Variants in ZNF765 observed in about 807,000 individuals in gnomAD.
ZNF765 encodes zinc finger protein 765.
Under a neutral mutation model 44.7 loss-of-function variants are expected in ZNF765, and 37 were observed. That is an observed-to-expected ratio of 0.83 (90% CI 0.64 to 1.09). The LOEUF is 1.09. Among genes scored for constraint, ZNF765 ranks in the 50% least tolerant of loss-of-function variants. ZNF765 has a pLI of 0.00. For synonymous variants in ZNF765, 201 were observed against 213.7 expected, an observed-to-expected ratio of 0.94 and a Z score of 0.52; for missense variants, 594 against 626.1, an observed-to-expected ratio of 0.95 and a Z score of 0.55.
Position 53,408,469 on chromosome 19 carries a change from A to G in ZNF765, c.914A>G (p.Asp305Gly). The change falls in exon 4 of 4, where the codon GAC (aspartate) becomes GGC (glycine). Residue 305 changes from aspartate (D) to glycine (G), a missense_variant. Coordinates refer to ENST00000396408, the MANE Select transcript of ZNF765 (RefSeq NM_001040185.3). ...GEKPYKCEECDKAFHFKSKLQ... is the reference protein window; with the variant it reads ...GEKPYKCEECGKAFHFKSKLQ... ...AAACCTTACAAATGTGAAGAATGTG[A>G]CAAAGCTTTCCATTTCAAATCAAAG... The G allele has an allele frequency of 6.2e-7, 1 of 1,613,180 alleles. No homozygotes were observed. The highest frequency in any genetic ancestry group is 1.1e-5 in the South Asian group (1 of 91,046).
chr19:53,415,552 C>G (rs564398158), downstream of ZNF765, among the ~76,000 whole-genome samples: 1 of 132,084 alleles, frequency 7.6e-6, no homozygotes, highest in East Asian at 2.1e-4. Flanking sequence ...TATTTTATTA[C>G]GTTTGTTGAG....
At chr19:53,397,588 G>T (rs963807910) in intron 1 of ZNF765, among the ~76,000 whole-genome samples, 1 of 152,152 alleles carries the variant, frequency 6.6e-6, no homozygotes, top group African/African-American at 2.4e-5. Flanking sequence ...TCACCACGTT[G>T]CCCAGGCTGG....
chr19:53,400,763 C>CATATATATATATATATATATATATATAT (rs35520888), intron 2 of ZNF765, among the ~76,000 whole-genome samples: 41 of 116,678 alleles, frequency 3.5e-4, no homozygotes, highest in African/African-American at 5.6e-4. Flanking sequence ...TATTTGTTGA[C>CATATATATATATATATATATATATATAT]ATATATATAT....
chr19:53,410,861 A>G lies in ZNF765; in HGVS notation c.*1734A>G, dbSNP rs1016007731. 4.2e-6 allele frequency: 2 copies of G among 473,798 alleles called. No homozygotes were observed. The highest frequency in any genetic ancestry group is 8.7e-6 in the Non-Finnish European group (2 of 230,284). The allele number at this position is 473,798 out of a possible 1,614,324, so 29.3% of individuals were successfully genotyped here. On this transcript the variant is annotated 3_prime_UTR_variant, in exon 4 of 4. Coordinates refer to ENST00000396408, the MANE Select transcript of ZNF765 (RefSeq NM_001040185.3). Reference sequence around the variant, plus strand: ...CTCACAAGTGTGATGATTGCGGCAAAGCCTTTAATTCACATTCACACCTCA... The same window carrying G: ...CTCACAAGTGTGATGATTGCGGCAAGGCCTTTAATTCACATTCACACCTCA...
intron 3 of ZNF765, among the ~76,000 whole-genome samples, chr19:53,406,894 T>C (rs1180826403): frequency 6.6e-6 from 1 of 152,202 alleles, no homozygotes; most frequent in Non-Finnish European, 1.5e-5. Flanking sequence ...CAGGCGGTTG[T>C]GACAGAGTGA....
exon 4 of ZNF765, chr19:53,424,785 T>A (rs568689500): frequency 5.3e-5 from 8 of 150,490 alleles, no homozygotes; most frequent in African/African-American, 1.5e-4. Flanking sequence ...TGCCTCAGCC[T>A]CCCAAATAGC....
chr19:53,425,938 A>C (rs1354356096), exon 4 of ZNF765: 1 of 152,474 alleles, frequency 6.6e-6, no homozygotes, highest in Non-Finnish European at 1.5e-5. Context: ...TCTCTACTAA[A>C]AATACAAAAA....
chr19:53,409,436 C>A lies in ZNF765; in HGVS notation c.*309C>A. On this transcript the variant is annotated 3_prime_UTR_variant, in exon 4 of 4. Transcript: ENST00000396408. ...CTTGAAAGACATAGGAGAATTCACA[C>A]TGGTGAGAAACCTTACAGGTGTAAT... 1.2e-6 allele frequency: 1 copy of A among 856,974 alleles called. No homozygotes were observed. Among genetic ancestry groups the A allele is most frequent in the Non-Finnish European group, 2.0e-6 (1 of 494,392 alleles). The allele number at this position is 856,974 out of a possible 1,614,324, so 53.1% of individuals were successfully genotyped here. A position where few individuals can be genotyped will look rare whatever the true frequency, so the allele number is the denominator to read the frequency against.
downstream of ZNF765, among the ~76,000 whole-genome samples, chr19:53,413,573 T>C (rs920238272): frequency 4.0e-5 from 6 of 150,594 alleles, no homozygotes; most frequent in African/African-American, 1.5e-4. Flanking sequence ...TTGCATAGAG[T>C]ACCTTAGTTT....
intron 3 of ZNF765, among the ~76,000 whole-genome samples, chr19:53,406,038 T>C (rs1294053698): frequency 6.8e-6 from 1 of 147,096 alleles, no homozygotes; most frequent in African/African-American, 2.5e-5. Flanking sequence ...TTTTTTTTTT[T>C]TTTTTTTTGG....
At chr19:53,414,478 CACACA>C (rs2085860573), downstream of ZNF765, among the ~76,000 whole-genome samples, 1 of 21,604 alleles carries the variant, frequency 4.6e-5, no homozygotes, top group Non-Finnish European at 1.0e-4. Flanking sequence ...CACACACACA[CACACA>C]CACACACCCC....
Position 53,408,241 on chromosome 19 carries a change from T to G in ZNF765, c.686T>G (p.Leu229Arg). The G allele has an allele frequency of 6.2e-7, 1 of 1,614,258 alleles. No individual in the cohort carries two copies. Among genetic ancestry groups the G allele is most frequent in the Non-Finnish European group, 8.5e-7 (1 of 1,180,054 alleles). The change falls in exon 4 of 4, where the codon CTC becomes CGC. Residue 229 changes from leucine to arginine, a missense_variant. By Grantham distance (102) the Leu-to-Arg change is moderately radical. Transcript: ENST00000396408. ...DSGKAYNCSS[L>R]LRKHQLIHLG... The stretch of plus-strand genomic sequence containing the variant: ...GGCAAAGCCTATAATTGTAGCTCAC[T>G]CTTAAGGAAACATCAGTTAATCCAT...
At position 53,408,176 on chromosome 19, in the gene ZNF765, A is replaced by G. The variant is rs1334273514; in HGVS notation, c.621A>G (p.Glu207=). Residue 207 remains glutamate, a synonymous_variant, in exon 4 of 4, where the codon GAA becomes GAG. Transcript: ENST00000396408. ...LNSSLFTQKQ[E]VHMREKSFQC... ...CTTCATTATTCACACAAAAACAGGA[A>G]GTACATATGAGGGAAAAATCTTTCC... is the stretch of plus-strand genomic sequence containing the variant. The G allele has an allele frequency of 6.2e-7, 1 of 1,613,998 alleles. No homozygotes were observed. Among genetic ancestry groups the G allele is most frequent in the Non-Finnish European group, 8.5e-7 (1 of 1,179,972 alleles).
intron 3 of ZNF765, among the ~76,000 whole-genome samples, chr19:53,418,382 G>T (rs2085887315): frequency 6.6e-6 from 1 of 152,114 alleles, no homozygotes; most frequent in African/African-American, 2.4e-5. Flanking sequence ...GGACTGCACT[G>T]TCATAGCTGT....
At chr19:53,421,012 C>T (rs1218616558) in intron 3 of ZNF765, among the ~76,000 whole-genome samples, 1 of 152,192 alleles carries the variant, frequency 6.6e-6, no homozygotes, top group Admixed American at 6.5e-5. Context: ...AGGAAGGCAT[C>T]TGTCTCCAGC....
At chr19:53,413,179 T>C, downstream of ZNF765, 1 of 576,150 alleles carries the variant, frequency 1.7e-6, no homozygotes, top group Non-Finnish European at 3.4e-6. Flanking sequence ...TACTTGACTC[T>C]GCCTCTCACC....
At chr19:53,423,584 T>C in exon 4 of ZNF765, 1 of 340,126 alleles carries the variant, frequency 2.9e-6, no homozygotes, top group South Asian at 2.2e-5. Flanking sequence ...AGTCAGCTGG[T>C]GGTGAACATC....
In ZNF765 at chr19:53,411,378, C is replaced by G. The variant is rs1477299030; in HGVS notation, c.*2251C>G. ...AGCGATCCCAGCTCACTACAACCTC[C>G]GCCTCCCAGGTTCAAGCAATTCTCC... On this transcript the variant is annotated 3_prime_UTR_variant, in exon 4 of 4. Coordinates refer to ENST00000396408, the MANE Select transcript of ZNF765 (RefSeq NM_001040185.3). The G allele has an allele frequency of 1.3e-5, 2 of 151,016 alleles. No individual in the cohort carries two copies. Among genetic ancestry groups the G allele is most frequent in the African/African-American group, 4.9e-5 (2 of 40,824 alleles). The allele number at this position is 151,016 out of a possible 1,614,324, so 9.4% of individuals were successfully genotyped here.
Position 53,402,076 on chromosome 19 carries a change from A to G in ZNF765, c.27A>G (p.Thr9=), listed in dbSNP as rs746010777. 6.2e-7 allele frequency: 1 copy of G among 1,613,914 alleles called. No individual in the cohort carries two copies. The highest frequency in any genetic ancestry group is 8.5e-7 in the Non-Finnish European group (1 of 1,179,942). MALPQGLL[T]FRDVAIEFSQ... ...TGTTTTCATTTCAGGGTCTATTGACATTCAGGGATGTGGCCATAGAATTCT... is the reference window on the plus strand; with the variant it reads ...TGTTTTCATTTCAGGGTCTATTGACGTTCAGGGATGTGGCCATAGAATTCT... The change falls in exon 3 of 4, where the codon ACA becomes ACG. Residue 9 remains threonine, a synonymous_variant. Coordinates refer to ENST00000396408, the MANE Select transcript of ZNF765 (RefSeq NM_001040185.3).
Sources: gnomAD v4.1 joint callset for allele counts (sites outside exome capture counted in the v4.1 genomes callset) on GRCh38, gnomAD v4.1.1 for gene constraint, MANE v1.5 for transcripts, NCBI Gene and HGNC (gene_info 2026-07-23, HGNC 2026-07-21) for gene names.